Variants in RBFOX1 observed in about 807,000 individuals in gnomAD.
RBFOX1 encodes RNA binding protein fox-1 homolog 1.
A neutral mutation model predicts 57.7 loss-of-function variants in RBFOX1; 8 were observed. The observed-to-expected ratio is 0.14, with a 90% confidence interval of 0.08 to 0.25. The LOEUF (loss-of-function observed/expected upper bound fraction) is 0.25. Ranked by LOEUF, RBFOX1 falls within the 10% of genes least tolerant of loss-of-function variation. The pLI is 1.00. For synonymous variants in RBFOX1, 326 were observed against 222.4 expected (o/e 1.47, Z -4.15); for missense variants, 611 against 548.5 (o/e 1.11, Z -1.14).
In RBFOX1 at chr16:7,709,040, TCTATTTTC is replaced by T. The variant is rs763251181; in HGVS notation, c.996-13_996-6del. On this transcript the variant is annotated splice_region_variant and splice_polypyrimidine_tract_variant and intron_variant, in intron 14 of 15. Transcript: ENST00000550418. ...TGCATACTGTGGATCAATCTTCACC[TCTATTTTC>T]CTTTCAGTTACGGACGAGTTTATGC... The T allele has an allele frequency of 6.2e-7, 1 of 1,603,768 alleles. No homozygotes were observed. Among genetic ancestry groups the T allele is most frequent in the African/African-American group, 1.3e-5 (1 of 74,664 alleles).
intron 4 of RBFOX1, among the ~76,000 whole-genome samples, chr16:7,114,385 C>T (rs1029080210): frequency 6.6e-6 from 1 of 152,110 alleles, no homozygotes; most frequent in Non-Finnish European, 1.5e-5. Flanking sequence ...ATTTATACCC[C>T]TGGGAAGGAA....
intron 3 of RBFOX1, among the ~76,000 whole-genome samples, chr16:5,681,217 G>T (rs1382573592): frequency 6.6e-6 from 1 of 150,936 alleles, no homozygotes; most frequent in Non-Finnish European, 1.5e-5. Flanking sequence ...GGGATCACAG[G>T]TGCCTGCCAC....
At chr16:6,391,809 C>T (rs920743309) in intron 2 of RBFOX1, among the ~76,000 whole-genome samples, 1 of 152,112 alleles carries the variant, frequency 6.6e-6, no homozygotes, top group Admixed American at 6.5e-5. Flanking sequence ...TAGGATACCC[C>T]TCCCATCCTC....
intron 3 of RBFOX1, among the ~76,000 whole-genome samples, chr16:5,712,580 A>C (rs2051533423): frequency 6.6e-6 from 1 of 151,956 alleles, no homozygotes; most frequent in Non-Finnish European, 1.5e-5. Context: ...CTATGAGCTC[A>C]CTTAATTCCC....
intron 3 of RBFOX1, among the ~76,000 whole-genome samples, chr16:6,919,173 G>T (rs1160340990): frequency 6.6e-6 from 1 of 151,938 alleles, no homozygotes; most frequent in East Asian, 1.9e-4. Context: ...TTTGGAGATG[G>T]GGTTTCACCA....
intron 3 of RBFOX1, among the ~76,000 whole-genome samples, chr16:5,833,941 C>G (rs966335209): frequency 6.6e-6 from 1 of 152,154 alleles, no homozygotes; most frequent in Admixed American, 6.5e-5. Context: ...ACTTTTGTGG[C>G]ACGTGTTTGA....
chr16:5,560,691 C>T (rs62018426), intron 2 of RBFOX1, among the ~76,000 whole-genome samples: 44,430 of 152,090 alleles, frequency 0.29, 6,888 homozygotes, highest in African/African-American at 0.4. Context: ...GTAGTCTGTG[C>T]TCCACATCTT....
intron 2 of RBFOX1, among the ~76,000 whole-genome samples, chr16:5,481,091 G>A (rs1168567037): frequency 6.6e-6 from 1 of 152,178 alleles, no homozygotes; most frequent in Non-Finnish European, 1.5e-5. Context: ...TCTCACTGTT[G>A]GAAGTGAAGG....
intron 1 of RBFOX1, among the ~76,000 whole-genome samples, chr16:6,303,844 C>G (rs1490948654): frequency 5.6e-5 from 7 of 124,674 alleles, no homozygotes; most frequent in Admixed American, 1.9e-4. Flanking sequence ...TGGAGTCTCA[C>G]TGTGTCACCA....
intron 3 of RBFOX1, among the ~76,000 whole-genome samples, chr16:7,018,154 C>G (rs186442312): frequency 1.3e-5 from 2 of 152,210 alleles, no homozygotes; most frequent in Admixed American, 1.3e-4. Context: ...CTGTCTTAAG[C>G]CCTTGCTGAA....
At chr16:6,771,810 A>G (rs918083437) in intron 3 of RBFOX1, among the ~76,000 whole-genome samples, 14 of 152,120 alleles carry the variant, frequency 9.2e-5, no homozygotes, top group Admixed American at 5.2e-4. Flanking sequence ...TAAAGTGGCA[A>G]TTGTACCAAG....
At chr16:6,726,116 A>G (rs1242767383) in intron 3 of RBFOX1, among the ~76,000 whole-genome samples, 36 of 152,292 alleles carry the variant, frequency 2.4e-4, no homozygotes, top group Non-Finnish European at 4.4e-5. Flanking sequence ...ACTTTGTTAC[A>G]CAGAGCCAGG....
chr16:6,598,115 C>G (rs1426353449), intron 2 of RBFOX1, among the ~76,000 whole-genome samples: 3 of 152,218 alleles, frequency 2.0e-5, no homozygotes. Context: ...TGCACCTATA[C>G]ATATACCAAT....
chr16:5,289,188 C>T, intron 1 of RBFOX1: 1 of 267,708 alleles, frequency 3.7e-6, no homozygotes, highest in Non-Finnish European at 7.6e-6. Flanking sequence ...TGAGGCCTCC[C>T]CTCTATCCTT....
intron 4 of RBFOX1, among the ~76,000 whole-genome samples, chr16:7,445,654 C>G (rs149405142): frequency 6.6e-5 from 10 of 152,248 alleles, no homozygotes; most frequent in African/African-American, 1.7e-4. Flanking sequence ...CTTAGAAATT[C>G]AAAATACAAG....
chr16:7,243,426 A>G (rs1206147595), intron 4 of RBFOX1, among the ~76,000 whole-genome samples: 1 of 152,196 alleles, frequency 6.6e-6, no homozygotes, highest in African/African-American at 2.4e-5. Flanking sequence ...AGAAAGGCAT[A>G]TTACCTTTGG....
intron 14 of RBFOX1, among the ~76,000 whole-genome samples, chr16:7,685,969 G>A (rs944590362): frequency 5.9e-5 from 9 of 152,030 alleles, no homozygotes; most frequent in Non-Finnish European, 1.2e-4. Context: ...CTTACTACAC[G>A]AGATAATTTG....
At chr16:7,180,631 G>C in intron 4 of RBFOX1, among the ~76,000 whole-genome samples, 1 of 151,084 alleles carries the variant, frequency 6.6e-6, no homozygotes. Context: ...TATGGTGTTA[G>C]AAAGGATTGC....
intron 1 of RBFOX1, among the ~76,000 whole-genome samples, chr16:5,406,757 T>C (rs1408920154): frequency 1.3e-5 from 2 of 152,186 alleles, no homozygotes; most frequent in Non-Finnish European, 2.9e-5. Context: ...CAATGGGTCC[T>C]GCAGGAGGGG....
Sources: gnomAD v4.1 joint callset for allele counts (sites outside exome capture counted in the v4.1 genomes callset) on GRCh38, gnomAD v4.1.1 for gene constraint, MANE v1.5 for transcripts, NCBI Gene and HGNC (gene_info 2026-07-23, HGNC 2026-07-21) for gene names.